VRK2: variants seen among roughly 807,000 people sequenced by gnomAD.
VRK2 encodes the protein VRK serine/threonine kinase 2.
Under a neutral mutation model 57.6 loss-of-function variants are expected in VRK2, and 60 were observed. The ratio of observed to expected loss-of-function variants is 1.04; its 90% CI spans 0.85 to 1.29. The LOEUF is 1.29. Among genes scored for constraint, VRK2 ranks in the 50% most tolerant of loss-of-function variants. The pLI is 0.00. For missense variants in VRK2, 705 were observed against 588.1 expected, an observed-to-expected ratio of 1.20 and a Z score of -2.06; for synonymous variants, 231 against 199.2, an observed-to-expected ratio of 1.16 and a Z score of -1.35.
chr2:57,927,502 C>G (rs978089969), intron 1 of VRK2, among the ~76,000 whole-genome samples: 2 of 152,172 alleles, frequency 1.3e-5, no homozygotes, highest in African/African-American at 4.8e-5. Context: ...TTCTTGAACT[C>G]CTGACCTCAT....
intron 1 of VRK2, among the ~76,000 whole-genome samples, chr2:57,942,945 TCC>T (rs1403333596): frequency 6.6e-6 from 1 of 152,156 alleles, no homozygotes; most frequent in Non-Finnish European, 1.5e-5. Flanking sequence ...ATTTTTTCTC[TCC>T]CTATATATTT....
At chr2:58,113,329 AAG>A (rs1296351723) in intron 7 of VRK2, among the ~76,000 whole-genome samples, 1 of 151,864 alleles carries the variant, frequency 6.6e-6, no homozygotes, top group African/African-American at 2.4e-5. Context: ...AAAAAAAAAA[AAG>A]ACAGTTGCGT....
At chr2:58,078,437 G>A (rs1558605064) in intron 2 of VRK2, among the ~76,000 whole-genome samples, 1 of 152,008 alleles carries the variant, frequency 6.6e-6, no homozygotes, top group Non-Finnish European at 1.5e-5. Flanking sequence ...TTGGCTAATT[G>A]TCTGTAATGC....
chr2:58,067,027 CAGA>C (rs1668700368), intron 2 of VRK2, among the ~76,000 whole-genome samples: 1 of 152,174 alleles, frequency 6.6e-6, no homozygotes, highest in Non-Finnish European at 1.5e-5. Flanking sequence ...ACAAAGCATG[CAGA>C]AGAAGGTGGA....
At chr2:58,067,464 AGGTTT>A in intron 2 of VRK2, among the ~76,000 whole-genome samples, 1 of 152,290 alleles carries the variant, frequency 6.6e-6, no homozygotes, top group Non-Finnish European at 1.5e-5. Context: ...AAATGTAATT[AGGTTT>A]TATAGTGATA....
intron 3 of VRK2, among the ~76,000 whole-genome samples, chr2:58,037,668 T>A (rs745602976): frequency 3.3e-5 from 5 of 152,146 alleles, no homozygotes; most frequent in Non-Finnish European, 7.4e-5. Flanking sequence ...TCTAAGGAGA[T>A]ATTTACTATG....
intron 1 of VRK2, among the ~76,000 whole-genome samples, chr2:57,951,049 A>G (rs993395971): frequency 3.9e-5 from 6 of 152,132 alleles, no homozygotes; most frequent in African/African-American, 1.4e-4. Flanking sequence ...CCGAGATTGC[A>G]GCACTGCACT....
At chr2:58,058,864 A>G (rs1370248329) in intron 2 of VRK2, among the ~76,000 whole-genome samples, 3 of 152,066 alleles carry the variant, frequency 2.0e-5, no homozygotes, top group Non-Finnish European at 1.5e-5. Flanking sequence ...TGTCTCTTCT[A>G]TATTTGGACT....
At chr2:57,917,454 A>C (rs542647903) in intron 1 of VRK2, among the ~76,000 whole-genome samples, 1 of 151,318 alleles carries the variant, frequency 6.6e-6, no homozygotes, top group Non-Finnish European at 1.5e-5. Context: ...CTGCAAAATA[A>C]AGATGATAAT....
intron 7 of VRK2, among the ~76,000 whole-genome samples, chr2:58,090,796 T>C (rs1379322641): frequency 6.6e-6 from 1 of 152,134 alleles, no homozygotes; most frequent in Admixed American, 6.5e-5. Context: ...CGTCAAAACA[T>C]TGAAGTAACC....
chr2:58,044,098 G>C (rs138434377), upstream of VRK2, among the ~76,000 whole-genome samples: 175 of 152,268 alleles, frequency 1.1e-3, no homozygotes, highest in African/African-American at 3.9e-3. Context: ...TTTTTACATG[G>C]GGTGTGAATT....
intron 8 of VRK2, among the ~76,000 whole-genome samples, chr2:58,125,307 A>G (rs1396141571): frequency 1.3e-5 from 2 of 152,134 alleles, no homozygotes; most frequent in South Asian, 4.1e-4. Flanking sequence ...GACCTATTCA[A>G]TTAATTTCAT....
intron 1 of VRK2, among the ~76,000 whole-genome samples, chr2:58,005,818 G>A (rs190154808): frequency 2.0e-5 from 3 of 152,044 alleles, no homozygotes; most frequent in African/African-American, 7.2e-5. Flanking sequence ...TCCTAAATTC[G>A]AATGAGTCTT....
chr2:58,009,894 G>A (rs1404896791), intron 1 of VRK2, among the ~76,000 whole-genome samples: 1 of 151,708 alleles, frequency 6.6e-6, no homozygotes, highest in East Asian at 1.9e-4. Flanking sequence ...ATAAATATAT[G>A]CAGGCCTATA....
chr2:58,015,657 G>A (rs1572782741), intron 1 of VRK2, among the ~76,000 whole-genome samples: 2 of 151,862 alleles, frequency 1.3e-5, no homozygotes, highest in Admixed American at 6.5e-5. Context: ...TTATTTAAGT[G>A]TTTTTATTGC....
chr2:58,061,807 A>G (rs1677381594), intron 2 of VRK2, among the ~76,000 whole-genome samples: 1 of 152,060 alleles, frequency 6.6e-6, no homozygotes, highest in African/African-American at 2.4e-5. Flanking sequence ...TATTATAAAT[A>G]AATTCAGAAA....
At chr2:58,147,544 A>C (rs190095086) in intron 12 of VRK2, among the ~76,000 whole-genome samples, 7 of 152,002 alleles carry the variant, frequency 4.6e-5, no homozygotes, top group African/African-American at 1.4e-4. Flanking sequence ...CCTGGTGTAC[A>C]GGGATAGGGA....
At chr2:57,990,980 T>C (rs1418148260) in intron 1 of VRK2, among the ~76,000 whole-genome samples, 2 of 151,986 alleles carry the variant, frequency 1.3e-5, no homozygotes, top group Non-Finnish European at 2.9e-5. Context: ...CCCATGTCCA[T>C]AGGGATAGAT....
chr2:57,990,359 G>A (rs1471364601), intron 1 of VRK2, among the ~76,000 whole-genome samples: 1 of 152,140 alleles, frequency 6.6e-6, no homozygotes, highest in Non-Finnish European at 1.5e-5. Flanking sequence ...GAGATCACTG[G>A]ACCATAGACA....
Sources: gnomAD v4.1 joint callset for allele counts (sites outside exome capture counted in the v4.1 genomes callset) on GRCh38, gnomAD v4.1.1 for gene constraint, MANE v1.5 for transcripts, NCBI Gene and HGNC (gene_info 2026-07-23, HGNC 2026-07-21) for gene names.